FOXP1: variants seen among roughly 807,000 people sequenced by gnomAD.
The protein encoded by FOXP1 is forkhead box P1.
FOXP1 carries 15 observed loss-of-function variants against 98.2 expected under a neutral mutation model. The observed-to-expected ratio is 0.15, with a 90% CI of 0.10 to 0.24. The LOEUF (loss-of-function observed/expected upper bound fraction) is 0.24. Ranked by LOEUF, FOXP1 falls within the 10% of genes least tolerant of loss-of-function variation. The pLI is 1.00. For synonymous variants in FOXP1, 371 were observed against 314.5 expected, an observed-to-expected ratio of 1.18 and a Z score of -1.90; for missense variants, 633 against 848.5, an observed-to-expected ratio of 0.75 and a Z score of 3.15.
chr3:71,074,446 C>T (rs2053593390), intron 7 of FOXP1, among the ~76,000 whole-genome samples: 1 of 152,174 alleles, frequency 6.6e-6, no homozygotes, highest in South Asian at 2.1e-4. Context: ...AGGCTGGTCT[C>T]AAACTCCTAA....
At chr3:71,220,643 C>T (rs2065290988) in intron 5 of FOXP1, among the ~76,000 whole-genome samples, 1 of 151,884 alleles carries the variant, frequency 6.6e-6, no homozygotes, top group South Asian at 2.1e-4. Flanking sequence ...GTCCCAACTA[C>T]TTGGGAGGCT....
At chr3:71,182,783 G>T (rs1046374397) in intron 6 of FOXP1, among the ~76,000 whole-genome samples, 1 of 151,944 alleles carries the variant, frequency 6.6e-6, no homozygotes, top group African/African-American at 2.4e-5. Flanking sequence ...GAGCTCAGGT[G>T]ATCTTCCAGC....
chr3:70,991,071 A>T (rs2040528222), intron 13 of FOXP1, among the ~76,000 whole-genome samples: 2 of 148,656 alleles, frequency 1.3e-5, no homozygotes, highest in Non-Finnish European at 3.0e-5. Flanking sequence ...TTTTTTTTTA[A>T]GAAAAGTGAA....
chr3:71,077,809 A>G (rs1286478269), intron 7 of FOXP1, among the ~76,000 whole-genome samples: 1 of 151,582 alleles, frequency 6.6e-6, no homozygotes, highest in Non-Finnish European at 1.5e-5. Flanking sequence ...TCCCCTCCTA[A>G]GAAGCATTTA....
At chr3:71,126,211 G>T (rs764544680) in intron 6 of FOXP1, among the ~76,000 whole-genome samples, 21 of 152,140 alleles carry the variant, frequency 1.4e-4, no homozygotes, top group Non-Finnish European at 2.4e-4. Flanking sequence ...TTGGCCGGGC[G>T]TGGTGGCTCA....
At chr3:71,345,443 CAT>C (rs1250589026) in intron 4 of FOXP1, among the ~76,000 whole-genome samples, 107 of 122,836 alleles carry the variant, frequency 8.7e-4, no homozygotes, top group Admixed American at 2.5e-3. Context: ...CACACACACA[CAT>C]ATATATACCA....
intron 4 of FOXP1, among the ~76,000 whole-genome samples, chr3:71,328,104 C>T (rs2076031212): frequency 6.6e-6 from 1 of 152,018 alleles, no homozygotes; most frequent in Non-Finnish European, 1.5e-5. Flanking sequence ...GCTGAAAAGA[C>T]TGGGTGTAAA....
intron 13 of FOXP1, among the ~76,000 whole-genome samples, chr3:70,995,030 ATTT>A (rs61296076): frequency 6.9e-6 from 1 of 145,772 alleles, no homozygotes; most frequent in Non-Finnish European, 1.5e-5. Flanking sequence ...TGTTTTTTGT[ATTT>A]TTTTTTTTTC....
chr3:71,052,523 T>C lies in FOXP1; in HGVS notation c.510+14A>G, dbSNP rs776627712. 1.9e-5 allele frequency: 20 copies of C among 1,031,956 alleles called. No individual in the cohort carries two copies. In the Admixed American group the frequency reaches 2.7e-4, roughly 14 times the overall value. The allele number at this position is 1,031,956 out of a possible 1,614,324, so 63.9% of individuals were successfully genotyped here. A position where few individuals can be genotyped will look rare whatever the true frequency, so the allele number is the denominator to read the frequency against. On this transcript the variant is annotated intron_variant, in intron 9 of 20. Coordinates refer to ENST00000649528, the MANE Select transcript of FOXP1 (RefSeq NM_001349338.3). ...GGATCTGTGGTTTGAAAGTAAAATA[T>C]GTATTGTCGGTACCTCTTTAGGCTG... is the stretch of plus-strand genomic sequence containing the variant.
chr3:70,959,626 T>C (rs1031743259), intron 20 of FOXP1, among the ~76,000 whole-genome samples: 1 of 152,208 alleles, frequency 6.6e-6, no homozygotes, highest in African/African-American at 2.4e-5. Flanking sequence ...CCCATGTGAC[T>C]AGCGGTTAAT....
chr3:71,181,002 G>A lies in FOXP1; in HGVS notation c.180+17200C>T, dbSNP rs1045281443. 4.6e-5 allele frequency among the ~76,000 whole-genome samples: 7 copies of A among 152,292 alleles called. No homozygotes were observed. The East Asian group carries it at 9.6e-4, about 21-fold the overall frequency. On this transcript the variant is annotated intron_variant, in intron 6 of 20. Coordinates refer to ENST00000649528, the MANE Select transcript of FOXP1 (RefSeq NM_001349338.3). ...GGGGCACTAATTGCCCACAAGAACC[G>A]GTTCCCTGCAGTCTCCAAGTAGAGG...
chr3:71,309,656 A>G (rs2074545647), intron 4 of FOXP1, among the ~76,000 whole-genome samples: 1 of 152,198 alleles, frequency 6.6e-6, no homozygotes, highest in Non-Finnish European at 1.5e-5. Context: ...TGTTTCCTGC[A>G]CAGCAAATTT....
In FOXP1 at chr3:70,965,873, G is replaced by A; in HGVS notation, c.1889+17C>T. The A allele has an allele frequency of 1.2e-6, 2 of 1,613,082 alleles. No homozygotes were observed. Among genetic ancestry groups the A allele is most frequent in the African/African-American group, 1.3e-5 (1 of 74,986 alleles). On this transcript the variant is annotated intron_variant, in intron 20 of 20. Transcript: ENST00000649528. ...TAGGGTCAGATAGCAAAGACCTGTT[G>A]GGTGGACAATACTCACACGGCTTGC...
At position 70,978,673 on chromosome 3, in the gene FOXP1, CTATT is replaced by C. The variant is rs2038120726; in HGVS notation, c.1147-648_1147-645del. ...GAGAACTCCTGCAAATATGTGTGGC[CTATT>C]TATTACTCATATTAAACACAATGGG... On this transcript the variant is annotated intron_variant, in intron 14 of 20. Coordinates refer to ENST00000649528, the MANE Select transcript of FOXP1 (RefSeq NM_001349338.3). 5.3e-5 allele frequency among the ~76,000 whole-genome samples: 8 copies of C among 152,284 alleles called. No individual in the cohort carries two copies. In the South Asian group the frequency reaches 1.5e-3, roughly 28 times the overall value.
At chr3:71,460,459 CAG>C (rs1288463263) in intron 3 of FOXP1, among the ~76,000 whole-genome samples, 1 of 147,384 alleles carries the variant, frequency 6.8e-6, no homozygotes, top group African/African-American at 2.5e-5. Context: ...GTTTTTGAGA[CAG>C]AGTCTCACTC....
At chr3:71,278,870 A>C (rs2071203282) in intron 5 of FOXP1, among the ~76,000 whole-genome samples, 1 of 151,864 alleles carries the variant, frequency 6.6e-6, no homozygotes. Flanking sequence ...AGAGGCCTTT[A>C]ATGAGGATCT....
chr3:71,045,074 T>C (rs2048842438), intron 10 of FOXP1, among the ~76,000 whole-genome samples: 1 of 152,160 alleles, frequency 6.6e-6, no homozygotes, highest in Non-Finnish European at 1.5e-5. Context: ...ATAACACTGG[T>C]AGTTCACTTT....
intron 5 of FOXP1, among the ~76,000 whole-genome samples, chr3:71,288,605 C>G (rs1413044505): frequency 6.6e-6 from 1 of 152,196 alleles, no homozygotes; most frequent in Non-Finnish European, 1.5e-5. Context: ...ATAAACACAT[C>G]CCACTTTCCT....
chr3:71,425,610 G>A (rs1447167201), intron 3 of FOXP1, among the ~76,000 whole-genome samples: 1 of 151,814 alleles, frequency 6.6e-6, no homozygotes, highest in Non-Finnish European at 1.5e-5. Context: ...AGTATCTGCT[G>A]AATGAAAAAA....
Sources: gnomAD v4.1 joint callset for allele counts (sites outside exome capture counted in the v4.1 genomes callset) on GRCh38, gnomAD v4.1.1 for gene constraint, MANE v1.5 for transcripts, NCBI Gene and HGNC (gene_info 2026-07-23, HGNC 2026-07-21) for gene names.